RXRA: variants seen among roughly 807,000 people sequenced by gnomAD.
RXRA encodes the protein retinoid X receptor alpha.
In RXRA, 5 loss-of-function variants were observed where a neutral mutation model predicts 44.5. The observed-to-expected ratio is 0.11, with a 90% CI of 0.06 to 0.24. RXRA has a LOEUF of 0.24. RXRA is among the 10% of genes least tolerant of loss of function. The pLI is 1.00. For missense variants in RXRA, 412 were observed against 646.5 expected, an observed-to-expected ratio of 0.64 and a Z score of 3.93; for synonymous variants, 291 against 271.4, an observed-to-expected ratio of 1.07 and a Z score of -0.71.
At chr9:134,391,126 C>T (rs1830793120) in intron 1 of RXRA, among the ~76,000 whole-genome samples, 1 of 152,192 alleles carries the variant, frequency 6.6e-6, no homozygotes, top group South Asian at 2.1e-4. Flanking sequence ...TGGGGATGTC[C>T]CCCAGAGAGG....
rs1452707217 is a variant in RXRA at position 134,438,326 on chromosome 9, T to G, written c.*1712T>G. On this transcript the variant is annotated 3_prime_UTR_variant, in exon 10 of 10. Transcript: ENST00000481739. ...GGCTTGGAGAGGCAGCTTTCCAGCC[T>G]TGGTGGGGAAGAAAGTGTCCATTCT... The G allele has an allele frequency of 1.3e-5, 2 of 152,308 alleles. No individual in the cohort carries two copies. The highest frequency in any genetic ancestry group is 2.9e-5 in the Non-Finnish European group (2 of 68,112). 9.4% of individuals were successfully genotyped at this position (152,308 alleles called of 1,614,324 possible).
chr9:134,350,851 G>A (rs1229757495), intron 1 of RXRA, among the ~76,000 whole-genome samples: 1 of 152,222 alleles, frequency 6.6e-6, no homozygotes, highest in African/African-American at 2.4e-5. Flanking sequence ...GGCCGGCCTG[G>A]CCTGGATGGT....
At chr9:134,395,323 C>T (rs1031557345) in intron 1 of RXRA, among the ~76,000 whole-genome samples, 1 of 152,292 alleles carries the variant, frequency 6.6e-6, no homozygotes, top group Non-Finnish European at 1.5e-5. Flanking sequence ...TTCCTTCTCA[C>T]CCTTTCCCTC....
chr9:134,410,997 C>G (rs867209483), intron 4 of RXRA, among the ~76,000 whole-genome samples: 1 of 152,196 alleles, frequency 6.6e-6, no homozygotes. Flanking sequence ...AGAGGAGGCA[C>G]CTGACCCTGC....
intron 1 of RXRA, among the ~76,000 whole-genome samples, chr9:134,364,671 C>G (rs1482640943): frequency 6.6e-6 from 1 of 152,186 alleles, no homozygotes; most frequent in African/African-American, 2.4e-5. Context: ...CTCTGTGGCT[C>G]CCAGCTCCCC....
chr9:134,332,297 C>T (rs1348576524), intron 1 of RXRA, among the ~76,000 whole-genome samples: 1 of 152,148 alleles, frequency 6.6e-6, no homozygotes, highest in African/African-American at 2.4e-5. Context: ...GATTGGACCC[C>T]CGGGTCCCAG....
At chr9:134,353,971 G>A (rs1830252825) in intron 1 of RXRA, among the ~76,000 whole-genome samples, 1 of 152,206 alleles carries the variant, frequency 6.6e-6, no homozygotes, top group Admixed American at 6.5e-5. Flanking sequence ...GTGCCTGGTA[G>A]CTGTTCACTG....
At chr9:134,414,709 A>G (rs1167807219) in intron 4 of RXRA, among the ~76,000 whole-genome samples, 2 of 152,200 alleles carry the variant, frequency 1.3e-5, no homozygotes, top group Non-Finnish European at 2.9e-5. Flanking sequence ...CTTGGCACTG[A>G]GACTTTAGAA....
In RXRA at chr9:134,433,470, G is replaced by A. The variant is rs1831565091; in HGVS notation, c.1136-632G>A. Among the ~76,000 whole-genome samples the A allele has an allele frequency of 6.8e-6, 1 of 147,696 alleles. No homozygotes were observed. ...CTGGGGGAGCCAGGTACGTTGCCAA[G>A]GAGCCCAGGACACAGGCCAAGGTGG... On this transcript the variant is annotated intron_variant, in intron 8 of 9. Coordinates refer to ENST00000481739, the MANE Select transcript of RXRA (RefSeq NM_002957.6). This position sits in a 1 kb window ranked among gnomAD's most constrained non-coding sequence, Gnocchi z 4.2.
intron 1 of RXRA, among the ~76,000 whole-genome samples, chr9:134,382,727 C>T (rs889927567): frequency 3.9e-5 from 6 of 152,056 alleles, no homozygotes; most frequent in Non-Finnish European, 7.4e-5. Context: ...ATGTAACAGC[C>T]GGGTCTCTGG....
At chr9:134,427,239 G>A (rs1009413427) in intron 6 of RXRA, 23 of 881,842 alleles carry the variant, frequency 2.6e-5, no homozygotes, top group South Asian at 2.6e-4. Context: ...CTGTTTTCGC[G>A]GCTGGCTCGG....
intron 2 of RXRA, 114 bp from the exon 3 acceptor site, chr9:134,408,035 G>T (rs1831084263): frequency 5.2e-6 from 4 of 773,838 alleles, no homozygotes; most frequent in Non-Finnish European, 8.2e-6. Context: ...TCTAGCCTCG[G>T]TGTCTGTGTG....
chr9:134,393,131 C>T (rs755788770), intron 1 of RXRA, among the ~76,000 whole-genome samples: 2 of 152,026 alleles, frequency 1.3e-5, no homozygotes, highest in Admixed American at 6.5e-5. Flanking sequence ...GGGCATCGGA[C>T]CAAGTGCAGG....
chr9:134,409,831 C>A (rs1831119466), intron 4 of RXRA, among the ~76,000 whole-genome samples: 1 of 152,212 alleles, frequency 6.6e-6, no homozygotes, highest in Admixed American at 6.5e-5. Context: ...GGTCCCGTGC[C>A]CTGGGCCTTG....
At chr9:134,384,094 G>C (rs1351908992) in intron 1 of RXRA, among the ~76,000 whole-genome samples, 2 of 151,710 alleles carry the variant, frequency 1.3e-5, no homozygotes, top group East Asian at 4.0e-4. Flanking sequence ...GGGAGTCCTG[G>C]ACTCTCCACA....
chr9:134,345,875 C>A (rs1830144757), intron 1 of RXRA, among the ~76,000 whole-genome samples: 1 of 152,138 alleles, frequency 6.6e-6, no homozygotes, highest in Non-Finnish European at 1.5e-5. Flanking sequence ...GAATGGGTAC[C>A]CCCGGGTGGG....
At position 134,391,376 on chromosome 9, in the gene RXRA, A is replaced by T. The variant is rs1830797384; in HGVS notation, c.29-10256A>T. ...GCCGTTCCACGACAGAGCTGCTGGC[A>T]GCGGTGGCAGGGCCTCTGAGCCACC... is the stretch of plus-strand genomic sequence containing the variant. On this transcript the variant is annotated intron_variant, in intron 1 of 9. Coordinates refer to ENST00000481739, the MANE Select transcript of RXRA (RefSeq NM_002957.6). Among the ~76,000 whole-genome samples, 3 of 152,106 alleles carry T rather than the reference A, an allele frequency of 2.0e-5. No individual in the cohort carries two copies. In the South Asian group the frequency reaches 6.2e-4, roughly 31 times the overall value.
chr9:134,337,997 G>A (rs575821896), intron 1 of RXRA, among the ~76,000 whole-genome samples: 10 of 152,222 alleles, frequency 6.6e-5, no homozygotes, highest in African/African-American at 2.4e-4. Context: ...GTCCAGAGCC[G>A]CTCTGAGGAT....
chr9:134,359,982 G>A (rs770160712), intron 1 of RXRA, among the ~76,000 whole-genome samples: 1 of 152,224 alleles, frequency 6.6e-6, no homozygotes, highest in Non-Finnish European at 1.5e-5. Context: ...CTGGAGCCGC[G>A]GGGGTCCCTG....
Sources: allele counts gnomAD v4.1 joint callset (sites outside exome capture counted in the v4.1 genomes callset), GRCh38; gene constraint gnomAD v4.1.1; non-coding constraint Gnocchi (gnomAD v3.1); transcripts MANE v1.5; gene names NCBI Gene and HGNC (gene_info 2026-07-23, HGNC 2026-07-21).